Variants in RAB28 observed in about 807,000 individuals in gnomAD.
RAB28 encodes the protein ras-related protein Rab-28.
Under a neutral mutation model 31.7 loss-of-function variants are expected in RAB28, and 24 were observed. The observed-to-expected ratio is 0.76, with a 90% CI of 0.55 to 1.06. The LOEUF (loss-of-function observed/expected upper bound fraction) is 1.06. Ranked by LOEUF, RAB28 falls within the 50% of genes least tolerant of loss-of-function variation. The pLI is 0.00. For missense variants in RAB28, 254 were observed against 258.5 expected (o/e 0.98, Z 0.12); for synonymous variants, 100 against 90.4 (o/e 1.11, Z -0.60).
At chr4:13,413,782 C>T (rs1340183475) in intron 4 of RAB28, among the ~76,000 whole-genome samples, 1 of 152,136 alleles carries the variant, frequency 6.6e-6, no homozygotes, top group Non-Finnish European at 1.5e-5. Flanking sequence ...CCAAGTATAA[C>T]TTTATTCCAA....
chr4:13,420,495 G>A (rs116523687), intron 4 of RAB28, among the ~76,000 whole-genome samples: 2,112 of 152,154 alleles, frequency 0.014, 23 homozygotes, highest in Middle Eastern at 0.044. Flanking sequence ...GAACATCCAC[G>A]TGAAAATCCT....
At chr4:13,434,329 C>T (rs140789432) in intron 4 of RAB28, among the ~76,000 whole-genome samples, 1 of 152,140 alleles carries the variant, frequency 6.6e-6, no homozygotes, top group Non-Finnish European at 1.5e-5. Flanking sequence ...AAAGTTGGGA[C>T]AACAAAAGGG....
At chr4:13,460,621 G>A in intron 4 of RAB28, 78 bp downstream of exon 4, 3 of 1,555,218 alleles carry the variant, frequency 1.9e-6, no homozygotes, top group Non-Finnish European at 1.8e-6. Flanking sequence ...ATAAATTGGG[G>A]GTGGTGGGGG....
chr4:13,472,705 G>C (rs959788275), intron 3 of RAB28, among the ~76,000 whole-genome samples: 2 of 151,864 alleles, frequency 1.3e-5, no homozygotes, highest in Non-Finnish European at 2.9e-5. Flanking sequence ...GGAACAAAGA[G>C]AAGAGTGTTA....
chr4:13,450,560 T>C (rs1714915133), intron 4 of RAB28, among the ~76,000 whole-genome samples: 1 of 151,956 alleles, frequency 6.6e-6, no homozygotes, highest in Non-Finnish European at 1.5e-5. Flanking sequence ...ATTCATTCAT[T>C]TGGTATTAGT....
intron 3 of RAB28, among the ~76,000 whole-genome samples, chr4:13,462,866 TGAA>T (rs112646923): frequency 2.0e-5 from 3 of 152,184 alleles, no homozygotes; most frequent in African/African-American, 7.2e-5. Flanking sequence ...AACTGATATC[TGAA>T]GAAGATTAAT....
At chr4:13,480,052 A>G (rs548090552) in intron 1 of RAB28, among the ~76,000 whole-genome samples, 12 of 151,828 alleles carry the variant, frequency 7.9e-5, no homozygotes, top group African/African-American at 2.9e-4. Context: ...TGCTAAATGA[A>G]AATGACCCTA....
intron 4 of RAB28, among the ~76,000 whole-genome samples, chr4:13,427,468 A>G (rs892458326): frequency 2.0e-5 from 3 of 152,190 alleles, no homozygotes; most frequent in Admixed American, 1.3e-4. Context: ...TAGACCTACT[A>G]AAGAGGAGAA....
chr4:13,477,914 G>C (rs1716436897), intron 2 of RAB28, among the ~76,000 whole-genome samples: 1 of 151,484 alleles, frequency 6.6e-6, no homozygotes, highest in South Asian at 2.1e-4. Context: ...ACCAGTCTTT[G>C]TTTTTAATAT....
rs370204289 is a variant in RAB28, at chr4:13,376,580, T to G, written c.538A>C (p.Ile180Leu). The G allele has an allele frequency of 3.1e-6, 5 of 1,603,946 alleles. No individual in the cohort carries two copies. In the African/African-American group the frequency reaches 6.7e-5, roughly 21 times the overall value. Residue 180 changes from isoleucine to leucine, a missense_variant, in exon 6 of 7, where the codon ATC (isoleucine) becomes CTC (leucine). Coordinates refer to ENST00000330852, the MANE Select transcript of RAB28 (RefSeq NM_001017979.3). ...FQKVAAEILG[I>L]KLNKAEIEQS... ...TCTATTTCTGCTTTGTTTAATTTGA[T>G]CCCAAGGATTTCAGCAGCAACTTTC... is the stretch of plus-strand genomic sequence containing the variant.
intron 3 of RAB28, among the ~76,000 whole-genome samples, chr4:13,471,237 T>A (rs1217261351): frequency 1.3e-5 from 2 of 152,060 alleles, no homozygotes; most frequent in African/African-American, 2.4e-5. Flanking sequence ...GCAATACAGA[T>A]CTACTTTGAA....
chr4:13,467,444 T>C (rs533551645), intron 3 of RAB28, among the ~76,000 whole-genome samples: 2 of 151,980 alleles, frequency 1.3e-5, no homozygotes, highest in Admixed American at 6.6e-5. Flanking sequence ...AATACAACTG[T>C]TTAAAGTAAT....
chr4:13,463,749 T>G (rs11946623), intron 3 of RAB28, among the ~76,000 whole-genome samples: 2,422 of 152,256 alleles, frequency 0.016, 71 homozygotes, highest in African/African-American at 0.055. Context: ...CCATTTATAA[T>G]GTAAAAACTA....
intron 5 of RAB28, among the ~76,000 whole-genome samples, chr4:13,378,594 A>C (rs567386312): frequency 1.8e-4 from 28 of 152,356 alleles, no homozygotes; most frequent in African/African-American, 6.5e-4. Context: ...GTGTTGAAAG[A>C]ATAATCCAGT....
At chr4:13,456,175 T>C (rs1181142895) in intron 4 of RAB28, among the ~76,000 whole-genome samples, 1 of 152,178 alleles carries the variant, frequency 6.6e-6, no homozygotes, top group East Asian at 1.9e-4. Flanking sequence ...AGTGAAAGAA[T>C]GGCCCTACCC....
chr4:13,482,234 T>C (rs144505895), intron 1 of RAB28, among the ~76,000 whole-genome samples: 2,491 of 152,190 alleles, frequency 0.016, 30 homozygotes, highest in Non-Finnish European at 0.023. Context: ...TAAAAAACCA[T>C]AATTATTCAC....
At chr4:13,373,795 C>T (rs1352577664) in intron 6 of RAB28, among the ~76,000 whole-genome samples, 1 of 152,070 alleles carries the variant, frequency 6.6e-6, no homozygotes, top group Admixed American at 6.6e-5. Context: ...TATAGTAGAG[C>T]ATCAACATCA....
At chr4:13,441,035 AGG>A (rs1714386694) in intron 4 of RAB28, among the ~76,000 whole-genome samples, 1 of 152,002 alleles carries the variant, frequency 6.6e-6, no homozygotes, top group Admixed American at 6.5e-5. Context: ...GTGGGAAGGA[AGG>A]AAAAAATCCT....
intron 3 of RAB28, among the ~76,000 whole-genome samples, chr4:13,464,807 T>C (rs1039093072): frequency 6.6e-6 from 1 of 152,024 alleles, no homozygotes; most frequent in African/African-American, 2.4e-5. Context: ...AAAAGGTAAT[T>C]TGAAGAAAGA....
Sources: allele counts gnomAD v4.1 joint callset (sites outside exome capture counted in the v4.1 genomes callset), GRCh38; gene constraint gnomAD v4.1.1; transcripts MANE v1.5; gene names NCBI Gene and HGNC (gene_info 2026-07-23, HGNC 2026-07-21).